The following AGBL1 variants were observed in gnomAD, a reference collection of about 807,000 sequenced individuals.
The protein encoded by AGBL1 is AGBL carboxypeptidase 1.
A neutral mutation model predicts 118.9 loss-of-function variants in AGBL1; 130 were observed. That is an observed-to-expected ratio of 1.09 (90% confidence interval 0.95 to 1.26). AGBL1 has a LOEUF of 1.26. AGBL1 is among the 50% of genes most tolerant of loss of function. AGBL1 has a pLI of 0.00. For missense variants in AGBL1, 1,584 were observed against 1,298.1 expected (o/e 1.22, Z -3.38); for synonymous variants, 555 against 478.9 (o/e 1.16, Z -2.08).
At chr15:86,350,303 A>T (rs1288745235) in intron 17 of AGBL1, among the ~76,000 whole-genome samples, 1 of 152,242 alleles carries the variant, frequency 6.6e-6, no homozygotes, top group Admixed American at 6.5e-5. Context: ...TGCAGTCAGT[A>T]TTGACAGACT....
At chr15:86,240,565 C>T (rs1365598362) in intron 6 of AGBL1, among the ~76,000 whole-genome samples, 1 of 152,044 alleles carries the variant, frequency 6.6e-6, no homozygotes, top group Admixed American at 6.5e-5. Flanking sequence ...GCAAGTTTTG[C>T]AATATAATTG....
intron 17 of AGBL1, among the ~76,000 whole-genome samples, chr15:86,372,399 T>C (rs1454551311): frequency 6.6e-6 from 1 of 151,994 alleles, no homozygotes; most frequent in Non-Finnish European, 1.5e-5. Flanking sequence ...TAAGGTCAAA[T>C]GTAGATTGTT....
At chr15:86,539,757 C>A (rs1031622917) in intron 19 of AGBL1, among the ~76,000 whole-genome samples, 2 of 152,184 alleles carry the variant, frequency 1.3e-5, no homozygotes, top group African/African-American at 4.8e-5. Context: ...TTGAGAATCC[C>A]AGAAGCACCA....
chr15:86,778,792 C>A (rs1416986991), intron 22 of AGBL1, among the ~76,000 whole-genome samples: 4 of 152,044 alleles, frequency 2.6e-5, no homozygotes, highest in African/African-American at 9.7e-5. Context: ...CCTCAGTTTA[C>A]AAAGATAATG....
At chr15:87,029,651 T>C (rs2141817479), downstream of AGBL1, among the ~76,000 whole-genome samples, 1 of 152,094 alleles carries the variant, frequency 6.6e-6, no homozygotes, top group East Asian at 1.9e-4. Flanking sequence ...TTAGAGAGTA[T>C]TTTTTAAAGT....
At chr15:86,624,631 G>C (rs1341733652) in intron 21 of AGBL1, among the ~76,000 whole-genome samples, 5 of 152,202 alleles carry the variant, frequency 3.3e-5, no homozygotes, top group Admixed American at 6.5e-5. Flanking sequence ...CAGTGAGCCT[G>C]AGCTGCAGCC....
At chr15:86,557,317 CTGAG>C (rs895578767) in intron 21 of AGBL1, among the ~76,000 whole-genome samples, 16 of 152,162 alleles carry the variant, frequency 1.1e-4, no homozygotes, top group African/African-American at 3.9e-4. Context: ...GGGCTTCACA[CTGAG>C]TGTTTGTGAC....
chr15:86,509,975 G>T (rs4887473), intron 18 of AGBL1, among the ~76,000 whole-genome samples: 64,147 of 147,126 alleles, frequency 0.44, 14,929 homozygotes, highest in East Asian at 0.69. Flanking sequence ...GATTTCTTCT[G>T]TGGCACTGAG....
chr15:86,492,322 T>C (rs2082791202), intron 18 of AGBL1, among the ~76,000 whole-genome samples: 1 of 151,984 alleles, frequency 6.6e-6, no homozygotes, highest in Admixed American at 6.6e-5. Flanking sequence ...TGCAAATGGA[T>C]CAGTATGGCT....
chr15:86,963,599 T>C (rs1403257103), intron 23 of AGBL1, among the ~76,000 whole-genome samples: 1 of 151,964 alleles, frequency 6.6e-6, no homozygotes, highest in African/African-American at 2.4e-5. Context: ...CAGAATATGA[T>C]TAAGGATCTG....
intron 22 of AGBL1, among the ~76,000 whole-genome samples, chr15:86,709,996 A>G (rs2086526112): frequency 6.6e-6 from 1 of 152,172 alleles, no homozygotes; most frequent in Admixed American, 6.5e-5. Flanking sequence ...TTCAAAGATG[A>G]GCAATATGCA....
chr15:86,383,063 T>G (rs185023491), intron 17 of AGBL1, among the ~76,000 whole-genome samples: 2 of 152,184 alleles, frequency 1.3e-5, no homozygotes, highest in African/African-American at 4.8e-5. Context: ...TCTTACATTT[T>G]CACCTTCTAT....
chr15:86,948,200 A>G (rs147783774), intron 23 of AGBL1, among the ~76,000 whole-genome samples: 1 of 152,310 alleles, frequency 6.6e-6, no homozygotes, highest in African/African-American at 2.4e-5. Context: ...CCAGACAGAC[A>G]CCCAGGCAAT....
intron 22 of AGBL1, among the ~76,000 whole-genome samples, chr15:86,791,105 C>A (rs988165548): frequency 6.6e-6 from 1 of 152,158 alleles, no homozygotes; most frequent in Non-Finnish European, 1.5e-5. Context: ...GAGATCACAT[C>A]CTTAATCTGG....
At chr15:86,983,963 T>C (rs2081255812) in intron 23 of AGBL1, among the ~76,000 whole-genome samples, 1 of 152,190 alleles carries the variant, frequency 6.6e-6, no homozygotes, top group African/African-American at 2.4e-5. Flanking sequence ...GTGTTTCTTA[T>C]TAATTTGGAT....
intron 17 of AGBL1, among the ~76,000 whole-genome samples, chr15:86,369,511 G>C (rs1299472948): frequency 1.3e-5 from 2 of 152,086 alleles, no homozygotes; most frequent in African/African-American, 4.8e-5. Context: ...AGGGGGAAAG[G>C]AACAAAAACA....
At chr15:86,765,522 G>A (rs1266859583) in intron 22 of AGBL1, among the ~76,000 whole-genome samples, 2 of 151,908 alleles carry the variant, frequency 1.3e-5, no homozygotes, top group Admixed American at 6.6e-5. Context: ...CATTTGCAGA[G>A]GAGCAGCCAT....
At chr15:86,668,626 T>C (rs938688107) in intron 21 of AGBL1, among the ~76,000 whole-genome samples, 7 of 152,158 alleles carry the variant, frequency 4.6e-5, no homozygotes, top group Admixed American at 3.9e-4. Context: ...GATGCTCTGT[T>C]TTATAAAAAG....
intron 18 of AGBL1, among the ~76,000 whole-genome samples, chr15:86,449,205 C>T (rs886749329): frequency 1.3e-5 from 2 of 152,104 alleles, no homozygotes; most frequent in East Asian, 1.9e-4. Context: ...AACAAAACAA[C>T]GGCCACAACA....
Sources: allele counts gnomAD v4.1 joint callset (sites outside exome capture counted in the v4.1 genomes callset), GRCh38; gene constraint gnomAD v4.1.1; transcripts MANE v1.5; gene names NCBI Gene and HGNC (gene_info 2026-07-23, HGNC 2026-07-21).